The following CMTM8 variants were observed in gnomAD, a reference collection of about 807,000 sequenced individuals.
CMTM8 encodes CKLF-like MARVEL transmembrane domain-containing protein 8.
Under a neutral mutation model 18.6 loss-of-function variants are expected in CMTM8, and 12 were observed. That is an observed-to-expected ratio of 0.65 (90% CI 0.41 to 1.05). The LOEUF (loss-of-function observed/expected upper bound fraction) is 1.05, where lower values mean the gene tolerates loss of function less well. Ranked by LOEUF, CMTM8 falls within the 50% of genes least tolerant of loss-of-function variation. CMTM8 has a pLI of 0.00. For synonymous variants in CMTM8, 87 were observed against 90.6 expected (o/e 0.96, Z 0.23); for missense variants, 217 against 227.2 (o/e 0.95, Z 0.29).
intron 1 of CMTM8, among the ~76,000 whole-genome samples, chr3:32,277,919 G>T (rs1228867784): frequency 1.3e-5 from 2 of 152,328 alleles, no homozygotes; most frequent in South Asian, 4.1e-4. Context: ...ATGTTTGACT[G>T]TTGTGACAAA....
chr3:32,342,306 G>A (rs569960381), intron 1 of CMTM8, among the ~76,000 whole-genome samples: 16 of 152,176 alleles, frequency 1.1e-4, no homozygotes, highest in Non-Finnish European at 1.6e-4. Flanking sequence ...GTCAAATGAG[G>A]TAAGGTACAA....
chr3:32,351,267 T>G (rs1696700944), intron 1 of CMTM8, among the ~76,000 whole-genome samples: 1 of 152,214 alleles, frequency 6.6e-6, no homozygotes, highest in Admixed American at 6.5e-5. Context: ...AAAATTTGCC[T>G]TTCTTTACCC....
chr3:32,324,807 A>T (rs1353919316), intron 1 of CMTM8, among the ~76,000 whole-genome samples: 1 of 152,246 alleles, frequency 6.6e-6, no homozygotes, highest in Admixed American at 6.5e-5. Context: ...GGGAGCCCCC[A>T]TAGGAAAACA....
intron 1 of CMTM8, among the ~76,000 whole-genome samples, chr3:32,326,322 C>T (rs940039572): frequency 1.3e-5 from 2 of 152,158 alleles, no homozygotes; most frequent in Non-Finnish European, 2.9e-5. Flanking sequence ...AATCTGAACT[C>T]CTTAACCTGC....
At chr3:32,283,107 A>T (rs1702631014) in intron 1 of CMTM8, among the ~76,000 whole-genome samples, 1 of 152,186 alleles carries the variant, frequency 6.6e-6, no homozygotes, top group Non-Finnish European at 1.5e-5. Context: ...ATTGCACATA[A>T]CACGCACTAA....
intron 1 of CMTM8, among the ~76,000 whole-genome samples, chr3:32,319,690 A>G (rs1696005607): frequency 6.6e-6 from 1 of 152,210 alleles, no homozygotes; most frequent in Non-Finnish European, 1.5e-5. Context: ...TATCACTGGC[A>G]TCAGCAGTTC....
Position 32,369,937 on chromosome 3 carries a change from T to C in CMTM8, c.492T>C (p.Phe164=), listed in dbSNP as rs746669614. Residue 164 remains phenylalanine, a synonymous_variant, in exon 4 of 4, where the codon TTT becomes TTC. Coordinates refer to ENST00000307526, the MANE Select transcript of CMTM8 (RefSeq NM_178868.5). ...ICYAGNTYFS[F]IAWRSRTIQ ...ACGCTGGAAATACATATTTCAGTTT[T>C]ATAGCATGGAGATCCAGGACCATAC... is the stretch of plus-strand genomic sequence containing the variant. 2.5e-6 allele frequency: 4 copies of C among 1,608,598 alleles called. No homozygotes were observed. Among genetic ancestry groups the C allele is most frequent in the Non-Finnish European group, 3.4e-6 (4 of 1,175,724 alleles).
At chr3:32,313,459 T>C (rs906874405) in intron 1 of CMTM8, among the ~76,000 whole-genome samples, 1 of 152,106 alleles carries the variant, frequency 6.6e-6, no homozygotes, top group Non-Finnish European at 1.5e-5. Flanking sequence ...CATGCCACTA[T>C]GCCCGGCTAA....
At chr3:32,342,091 C>T (rs1208703450) in intron 1 of CMTM8, among the ~76,000 whole-genome samples, 3 of 151,796 alleles carry the variant, frequency 2.0e-5, no homozygotes, top group Non-Finnish European at 2.9e-5. Flanking sequence ...CTACTAAAAA[C>T]ATAAAAATTA....
chr3:32,353,784 A>AT (rs10648596), intron 1 of CMTM8, among the ~76,000 whole-genome samples: 53,957 of 134,010 alleles, frequency 0.4, 12,072 homozygotes, highest in Middle Eastern at 0.57. Flanking sequence ...TTCTGTGTTA[A>AT]TTTTTTTTTT....
intron 1 of CMTM8, among the ~76,000 whole-genome samples, chr3:32,281,056 C>A (rs1702601080): frequency 6.6e-6 from 1 of 152,040 alleles, no homozygotes. Flanking sequence ...AGGGAGTTAT[C>A]CTGGAACTCC....
intron 1 of CMTM8, among the ~76,000 whole-genome samples, chr3:32,353,791 T>TC (rs1696759200): frequency 6.6e-6 from 1 of 150,956 alleles, no homozygotes; most frequent in Non-Finnish European, 1.5e-5. Flanking sequence ...TTAATTTTTT[T>TC]TTTTTTTTTT....
intron 1 of CMTM8, among the ~76,000 whole-genome samples, chr3:32,351,318 A>G (rs73824700): frequency 0.081 from 12,314 of 152,312 alleles, 598 homozygotes; most frequent in East Asian, 0.18. Context: ...AGATGTAAGC[A>G]TATATACAAA....
At chr3:32,309,100 A>G (rs1289478815) in intron 1 of CMTM8, among the ~76,000 whole-genome samples, 1 of 152,090 alleles carries the variant, frequency 6.6e-6, no homozygotes, top group Non-Finnish European at 1.5e-5. Context: ...TCTGGGTCAT[A>G]TGTACGCATG....
At chr3:32,291,826 C>A (rs1288251325) in intron 1 of CMTM8, among the ~76,000 whole-genome samples, 1 of 152,234 alleles carries the variant, frequency 6.6e-6, no homozygotes, top group Admixed American at 6.5e-5. Context: ...CCAAGCCCTG[C>A]CTCCTTAAAC....
intron 1 of CMTM8, among the ~76,000 whole-genome samples, chr3:32,342,948 T>A (rs1022214086): frequency 6.6e-6 from 1 of 152,206 alleles, no homozygotes; most frequent in African/African-American, 2.4e-5. Context: ...GTTAGTAACT[T>A]GCCCAAGGGC....
chr3:32,353,742 A>T (rs1405175848), intron 1 of CMTM8, among the ~76,000 whole-genome samples: 2 of 151,800 alleles, frequency 1.3e-5, no homozygotes, highest in East Asian at 3.9e-4. Context: ...TAACTGGCGG[A>T]TAGGGAAGGG....
intron 1 of CMTM8, among the ~76,000 whole-genome samples, chr3:32,327,538 G>T (rs1294792265): frequency 1.3e-5 from 2 of 152,182 alleles, no homozygotes; most frequent in Admixed American, 1.3e-4. Flanking sequence ...GAATGAATTT[G>T]AATTTGAGAC....
rs368592614 is a variant in CMTM8, at chr3:32,357,564, G to A, written c.321+18G>A. 9 of 1,612,812 alleles carry A rather than the reference G, an allele frequency of 5.6e-6. No individual in the cohort carries two copies. In the African/African-American group the frequency reaches 1.2e-4, roughly 22 times the overall value. ...CAACAGTGGTAAGGAAGCTGTGGGT[G>A]GTGGTCTTGTCCAGTGCCCACTCGG... is the stretch of plus-strand genomic sequence containing the variant. On this transcript the variant is annotated intron_variant, in intron 2 of 3. Transcript: ENST00000307526.
Sources: allele counts gnomAD v4.1 joint callset (sites outside exome capture counted in the v4.1 genomes callset), GRCh38; gene constraint gnomAD v4.1.1; transcripts MANE v1.5; gene names NCBI Gene and HGNC (gene_info 2026-07-23, HGNC 2026-07-21).